Variants in NEO1 observed in about 807,000 individuals in gnomAD.
NEO1 encodes the protein neogenin 1, also known as neogenin.
In NEO1, 63 loss-of-function variants were observed where a neutral mutation model predicts 159.7. The observed-to-expected ratio is 0.39, with a 90% CI of 0.32 to 0.49. NEO1 has a LOEUF of 0.49. Ranked by LOEUF, NEO1 falls within the 20% of genes least tolerant of loss-of-function variation. NEO1 has a pLI of 0.85. For missense variants in NEO1, 1,615 were observed against 1,831.0 expected (o/e 0.88, Z 2.15); for synonymous variants, 633 against 662.0 (o/e 0.96, Z 0.67).
intron 9 of NEO1, among the ~76,000 whole-genome samples, chr15:73,244,977 A>AAAAAAAAAAAAC (rs1555458859): frequency 4.5e-5 from 5 of 112,050 alleles, no homozygotes; most frequent in East Asian, 3.4e-4. Flanking sequence ...AAAAAAAAAA[A>AAAAAAAAAAAAC]AAAAAACAAC....
chr15:73,066,241 G>GATCTC (rs2068214070), intron 1 of NEO1, among the ~76,000 whole-genome samples: 2 of 2,552 alleles, frequency 7.8e-4, no homozygotes, highest in South Asian at 0.019. Flanking sequence ...TAGCCAGGAT[G>GATCTC]GTCTCCTGAC....
intron 11 of NEO1, among the ~76,000 whole-genome samples, chr15:73,250,688 A>G (rs1374799185): frequency 2.6e-5 from 4 of 152,138 alleles, no homozygotes; most frequent in Non-Finnish European, 5.9e-5. Flanking sequence ...TTCTTAAAAT[A>G]TATTAGTTTT....
intron 1 of NEO1, among the ~76,000 whole-genome samples, chr15:73,103,336 A>G (rs777856090): frequency 2.8e-4 from 42 of 152,176 alleles, no homozygotes; most frequent in South Asian, 4.1e-4. Flanking sequence ...AATCGTCACT[A>G]TCTGGTCACT....
rs746819987 is a variant in NEO1 at position 73,302,700 on chromosome 15, C to A, written c.*4C>A. 1.2e-6 allele frequency: 2 copies of A among 1,613,454 alleles called. No individual in the cohort carries two copies. Among genetic ancestry groups the A allele is most frequent in the Non-Finnish European group, 1.7e-6 (2 of 1,179,592 alleles). ...AAACGCTATCACAACAGCATGACGA[C>A]CTTCACCAGGACCTGACTTCAAACC... On this transcript the variant is annotated 3_prime_UTR_variant, in exon 29 of 29. Transcript: ENST00000261908.
At chr15:73,251,169 G>A (rs1232967406) in intron 11 of NEO1, among the ~76,000 whole-genome samples, 1 of 152,148 alleles carries the variant, frequency 6.6e-6, no homozygotes, top group Non-Finnish European at 1.5e-5. Context: ...GCCATTCATT[G>A]TACTATTCTT....
intron 7 of NEO1, among the ~76,000 whole-genome samples, chr15:73,218,471 G>C (rs1011732890): frequency 2.3e-4 from 35 of 151,922 alleles, no homozygotes; most frequent in East Asian, 1.5e-3. Context: ...CCCTCTTTTT[G>C]TATTGATTGG....
chr15:73,079,439 A>G (rs1338476524), intron 1 of NEO1, among the ~76,000 whole-genome samples: 1 of 152,220 alleles, frequency 6.6e-6, no homozygotes, highest in East Asian at 1.9e-4. Context: ...GTTGAAACGT[A>G]AATCTAGATC....
At chr15:73,086,663 TAACTGCCTGTTTCTAGATTTC>T in intron 1 of NEO1, among the ~76,000 whole-genome samples, 1 of 147,418 alleles carries the variant, frequency 6.8e-6, no homozygotes, top group African/African-American at 2.5e-5. Context: ...TCCTGAGTTC[TAACTGCCTGTTTCTAGATTTC>T]TTTTTTTTTT....
At chr15:73,278,972 T>G (rs907380560) in intron 22 of NEO1, among the ~76,000 whole-genome samples, 7 of 152,190 alleles carry the variant, frequency 4.6e-5, no homozygotes, top group Non-Finnish European at 1.0e-4. Flanking sequence ...TTACTAGGAA[T>G]GACCCTTACT....
At chr15:73,273,210 C>G (rs1364339767) in intron 19 of NEO1, among the ~76,000 whole-genome samples, 1 of 152,120 alleles carries the variant, frequency 6.6e-6, no homozygotes, top group East Asian at 1.9e-4. Context: ...GCTGCTCTTA[C>G]TTCCTTTGGC....
chr15:73,122,432 A>G, intron 2 of NEO1, 93 bp from the exon 3 acceptor site: 4 of 1,172,284 alleles, frequency 3.4e-6, no homozygotes, highest in Non-Finnish European at 4.8e-6. Flanking sequence ...CATATGTTGT[A>G]GCCATGTGAG....
chr15:73,145,884 A>G (rs4545783), intron 5 of NEO1, among the ~76,000 whole-genome samples: 48,126 of 151,944 alleles, frequency 0.32, 8,805 homozygotes, highest in Admixed American at 0.45. Flanking sequence ...CCAAGCAGAG[A>G]GAGAACTGGA....
chr15:73,248,965 T>G (rs2039936681), intron 9 of NEO1, 95 bp from the exon 10 acceptor site: 6 of 1,178,746 alleles, frequency 5.1e-6, no homozygotes, highest in Non-Finnish European at 7.1e-6. Context: ...TCTATTATTT[T>G]AAAAACGTGG....
chr15:73,244,567 C>T lies in NEO1; in HGVS notation c.1606+69C>T, dbSNP rs1368379773. On this transcript the variant is annotated intron_variant, in intron 9 of 28. Transcript: ENST00000261908. Reference sequence around the variant, plus strand: ...TCTCTGAAGTTCTACCTTTGTTTAGCCTTGCACACCATAGGGGAGCAGAAG... The same window carrying T: ...TCTCTGAAGTTCTACCTTTGTTTAGTCTTGCACACCATAGGGGAGCAGAAG... 3.9e-6 allele frequency: 6 copies of T among 1,527,202 alleles called. No homozygotes were observed. In the African/African-American group the frequency reaches 5.5e-5, roughly 14 times the overall value. The allele number at this position is 1,527,202 out of a possible 1,614,324, so 94.6% of individuals were successfully genotyped here. A position where few individuals can be genotyped will look rare whatever the true frequency, so the allele number is the denominator to read the frequency against.
At position 73,174,974 on chromosome 15, in the gene NEO1, G is replaced by A. The variant is rs527439098; in HGVS notation, c.1016-1429G>A. ...TACATGATTTCCCTCCTTGGGGGAGGTTCTGCTTGACTGGGGTTCTATCTC... is the reference window on the plus strand; with the variant it reads ...TACATGATTTCCCTCCTTGGGGGAGATTCTGCTTGACTGGGGTTCTATCTC... On this transcript the variant is annotated intron_variant, in intron 5 of 28. Transcript: ENST00000261908. 1.1e-4 allele frequency among the ~76,000 whole-genome samples: 16 copies of A among 152,182 alleles called. No homozygotes were observed. In the South Asian group the frequency reaches 2.9e-3, roughly 28 times the overall value.
At chr15:73,239,567 T>C (rs924537378) in intron 8 of NEO1, among the ~76,000 whole-genome samples, 1 of 152,202 alleles carries the variant, frequency 6.6e-6, no homozygotes, top group African/African-American at 2.4e-5. Flanking sequence ...TTACTGTACC[T>C]TTTCTGTGTT....
At chr15:73,151,714 A>G (rs900006303) in intron 5 of NEO1, among the ~76,000 whole-genome samples, 12 of 152,214 alleles carry the variant, frequency 7.9e-5, no homozygotes, top group Non-Finnish European at 1.6e-4. Context: ...CCCATGATTC[A>G]GTTACCTCCC....
At chr15:73,292,952 C>A (rs1270807406) in intron 25 of NEO1, among the ~76,000 whole-genome samples, 1 of 152,188 alleles carries the variant, frequency 6.6e-6, no homozygotes, top group Non-Finnish European at 1.5e-5. Flanking sequence ...TCTTTCTATC[C>A]TTTTAGCAGG....
intron 5 of NEO1, among the ~76,000 whole-genome samples, chr15:73,166,323 A>G (rs1011060504): frequency 1.3e-5 from 2 of 152,214 alleles, no homozygotes; most frequent in African/African-American, 4.8e-5. Flanking sequence ...TAGAATTACC[A>G]TTTGAACTAA....
Sources: allele counts gnomAD v4.1 joint callset (sites outside exome capture counted in the v4.1 genomes callset), GRCh38; gene constraint gnomAD v4.1.1; transcripts MANE v1.5; gene names NCBI Gene and HGNC (gene_info 2026-07-23, HGNC 2026-07-21).